MS4A1: variants seen among roughly 807,000 people sequenced by gnomAD.
The protein encoded by MS4A1 is membrane spanning 4-domains A1.
Under a neutral mutation model 26.5 loss-of-function variants are expected in MS4A1, and 16 were observed. That is an observed-to-expected ratio of 0.60 (90% confidence interval 0.41 to 0.92). The LOEUF is 0.92. Among genes scored for constraint, MS4A1 ranks in the 40% least tolerant of loss-of-function variants. The pLI is 0.00. For synonymous variants in MS4A1, 128 were observed against 117.6 expected, an observed-to-expected ratio of 1.09 and a Z score of -0.57; for missense variants, 350 against 353.0, an observed-to-expected ratio of 0.99 and a Z score of 0.07.
chr11:60,467,072 C>A lies in MS4A1; in HGVS notation c.675+12C>A, dbSNP rs746283626. The A allele has an allele frequency of 1.9e-6, 3 of 1,606,140 alleles. No individual in the cohort carries two copies. The highest frequency in any genetic ancestry group is 1.7e-4 in the Middle Eastern group (1 of 6,036). On this transcript the variant is annotated intron_variant, in intron 7 of 7. Coordinates refer to ENST00000345732, the MANE Select transcript of MS4A1 (RefSeq NM_152866.3). ...CCAGACCCAAATCTGTAAGTAGTAG[C>A]CCCTCTGGCCAAAACCTCCCTCTAG... is the stretch of plus-strand genomic sequence containing the variant.
At chr11:60,464,031 C>A in intron 4 of MS4A1, 1 of 551,556 alleles carries the variant, frequency 1.8e-6, no homozygotes, top group Non-Finnish European at 3.3e-6. Flanking sequence ...TTTGGTCTTA[C>A]TATATTCCTA....
At chr11:60,463,974 A>G (rs541483343) in intron 4 of MS4A1, 9 of 428,440 alleles carry the variant, frequency 2.1e-5, no homozygotes, top group African/African-American at 1.4e-4. Context: ...AAACTTTTAA[A>G]TTTATGGTAT....
rs2086285206 is a variant in MS4A1, at chr11:60,465,715, G to T, written c.337-206G>T. On this transcript the variant is annotated intron_variant, in intron 5 of 7. Transcript: ENST00000345732. ...TTTATAAAACAGATGGATGGTGAAT[G>T]AGATAGGGAAGACTGAGAAAAGAAC... The T allele has an allele frequency of 1.1e-5, 6 of 569,346 alleles. No individual in the cohort carries two copies. In the East Asian group the frequency reaches 1.8e-4, roughly 17 times the overall value. 35.3% of individuals were successfully genotyped at this position (569,346 alleles called of 1,614,324 possible).
chr11:60,467,962 A>C (rs952025749), intron 7 of MS4A1, among the ~76,000 whole-genome samples: 11 of 152,184 alleles, frequency 7.2e-5, no homozygotes, highest in African/African-American at 2.7e-4. Context: ...TCAGAACGAA[A>C]ATCTAAACTC....
At position 60,468,709 on chromosome 11, in the gene MS4A1, G is replaced by A. The variant is rs1054910589; in HGVS notation, c.*241G>A. The A allele has an allele frequency of 5.6e-6, 3 of 534,960 alleles. No individual in the cohort carries two copies. The African/African-American group carries it at 5.7e-5, about 10-fold the overall frequency. 33.1% of individuals were successfully genotyped at this position (534,960 alleles called of 1,614,324 possible). On this transcript the variant is annotated 3_prime_UTR_variant, in exon 8 of 8. Transcript: ENST00000345732. ...AACTTTCTTACACTGAAGAAAGGCAGAATGAGTGCTTCAGAATGTGATTTC... is the reference window on the plus strand; with the variant it reads ...AACTTTCTTACACTGAAGAAAGGCAAAATGAGTGCTTCAGAATGTGATTTC...
At position 60,462,497 on chromosome 11, in the gene MS4A1, G is replaced by A. The variant is rs150061756; in HGVS notation, c.123G>A (p.Thr41=). The part of the protein sequence containing the change: ...FRRMSSLVGP[T]QSFFMRESKT... ...GGATGTCTTCACTGGTGGGCCCCAC[G>A]CAAAGCTTCTTCATGAGGGAATCTA... The change falls in exon 3 of 8, where the codon ACG becomes ACA. Residue 41 remains threonine (T), a synonymous_variant. Transcript: ENST00000345732. The A allele has an allele frequency of 1.3e-3, 2,029 of 1,614,164 alleles. 41 individuals are homozygous for A. In the South Asian group the frequency reaches 0.02, roughly 16 times the overall value.
At chr11:60,465,386 T>A (rs1336523594) in intron 5 of MS4A1, among the ~76,000 whole-genome samples, 1 of 152,210 alleles carries the variant, frequency 6.6e-6, no homozygotes, top group Non-Finnish European at 1.5e-5. Flanking sequence ...CAGGAATAGA[T>A]GTTGTTACTG....
At chr11:60,466,841 T>C (rs1432895234) in intron 6 of MS4A1, 118 bp from the exon 7 acceptor site, 6 of 975,176 alleles carry the variant, frequency 6.2e-6, no homozygotes, top group African/African-American at 1.6e-5. Context: ...ATTCATTACT[T>C]GTCTAAAGAA....
chr11:60,466,595 C>T (rs2086293742), intron 6 of MS4A1: 4 of 321,142 alleles, frequency 1.2e-5, no homozygotes, highest in South Asian at 3.6e-5. Context: ...AAAAAAAATG[C>T]ATCTCCCAAG....
Position 60,462,343 on chromosome 11 carries a change from T to C in MS4A1, c.-32T>C. On this transcript the variant is annotated 5_prime_UTR_variant, in exon 3 of 8. Coordinates refer to ENST00000345732, the MANE Select transcript of MS4A1 (RefSeq NM_152866.3). ...TGTTCTTGCTCTCCTCATTTTGTTA[T>C]TTGTTTTATTTTTAGGAGTTTTGAG... is the stretch of plus-strand genomic sequence containing the variant. 1 of 1,613,392 alleles carries C rather than the reference T, an allele frequency of 6.2e-7. No homozygotes were observed. Among genetic ancestry groups the C allele is most frequent in the Non-Finnish European group, 8.5e-7 (1 of 1,179,352 alleles).
intron 2 of MS4A1, among the ~76,000 whole-genome samples, chr11:60,461,455 T>C (rs1348254711): frequency 1.3e-5 from 2 of 151,692 alleles, no homozygotes; most frequent in African/African-American, 2.4e-5. Flanking sequence ...GGAATCACTA[T>C]TGAAACCTAG....
chr11:60,457,009 A>C (rs10501385), intron 1 of MS4A1, among the ~76,000 whole-genome samples: 6,921 of 152,272 alleles, frequency 0.045, 263 homozygotes, highest in East Asian at 0.23. Flanking sequence ...CTCATAGTAC[A>C]TAGAAAACAG....
intron 6 of MS4A1, chr11:60,466,495 T>C (rs1278175429): frequency 5.6e-6 from 2 of 358,122 alleles, no homozygotes; most frequent in Non-Finnish European, 1.0e-5. Flanking sequence ...TTTACCATTA[T>C]ATTAACTAAG....
chr11:60,461,816 G>T (rs545848383), intron 2 of MS4A1, among the ~76,000 whole-genome samples: 1 of 149,512 alleles, frequency 6.7e-6, no homozygotes, highest in Non-Finnish European at 1.5e-5. Flanking sequence ...CACCGTGCCC[G>T]ACCTAGAGAG....
chr11:60,465,055 G>T (rs879512544), intron 5 of MS4A1, among the ~76,000 whole-genome samples: 6 of 152,184 alleles, frequency 3.9e-5, no homozygotes, highest in African/African-American at 1.4e-4. Flanking sequence ...GATGGTTCCT[G>T]TCTTAAAGTG....
Position 60,464,339 on chromosome 11 carries a change from T to C in MS4A1, c.331T>C (p.Cys111Arg). ...AGCAACGGAGAAAAACTCCAGGAAG[T>C]GTTTGGCAAGTAACCATATGTCCTT... Reference protein sequence around the residue: ...LAATEKNSRKCLVKGKMIMNS... With the variant: ...LAATEKNSRKRLVKGKMIMNS... The change falls in exon 5 of 8, where the codon TGT becomes CGT. Residue 111 changes from cysteine to arginine, a missense_variant. Coordinates refer to ENST00000345732, the MANE Select transcript of MS4A1 (RefSeq NM_152866.3). The C allele has an allele frequency of 6.2e-7, 1 of 1,611,640 alleles. No individual in the cohort carries two copies. The highest frequency in any genetic ancestry group is 8.5e-7 in the Non-Finnish European group (1 of 1,178,932).
At chr11:60,458,851 A>T (rs1051712796) in intron 1 of MS4A1, among the ~76,000 whole-genome samples, 3 of 87,720 alleles carry the variant, frequency 3.4e-5, no homozygotes, top group Non-Finnish European at 4.8e-5. Context: ...TAGTTTCCAT[A>T]AGAAATAAAA....
chr11:60,466,108 A>T lies in MS4A1; in HGVS notation c.524A>T (p.Lys175Ile), dbSNP rs1389017061. 1.2e-6 allele frequency: 2 copies of T among 1,613,698 alleles called. No homozygotes were observed. Among genetic ancestry groups the T allele is most frequent in the Non-Finnish European group, 1.7e-6 (2 of 1,179,720 alleles). The change falls in exon 6 of 8, where the codon AAA becomes ATA. Residue 175 changes from lysine (K) to isoleucine (I), a missense_variant. Transcript: ENST00000345732. Reference sequence around the variant, plus strand: ...TGTGAACCAGCTAATCCCTCTGAGAAAAACTCCCCATCTACCCAATACTGT... The same window carrying T: ...TGTGAACCAGCTAATCCCTCTGAGATAAACTCCCCATCTACCCAATACTGT... ...YNCEPANPSEKNSPSTQYCYS... is the reference protein window; with the variant it reads ...YNCEPANPSEINSPSTQYCYS...
At chr11:60,458,689 C>T (rs138265303) in intron 1 of MS4A1, among the ~76,000 whole-genome samples, 192 of 152,284 alleles carry the variant, frequency 1.3e-3, no homozygotes, top group African/African-American at 4.3e-3. Flanking sequence ...GCGAGAATCT[C>T]CAATCTCCGT....
Sources: allele counts gnomAD v4.1 joint callset (sites outside exome capture counted in the v4.1 genomes callset), GRCh38; gene constraint gnomAD v4.1.1; transcripts MANE v1.5; gene names NCBI Gene and HGNC (gene_info 2026-07-23, HGNC 2026-07-21).